PSD3: variants seen among roughly 807,000 people sequenced by gnomAD.
The protein encoded by PSD3 is pleckstrin and Sec7 domain containing 3, also known as PH and SEC7 domain-containing protein 3.
PSD3 carries 49 observed loss-of-function variants against 105.5 expected under a neutral mutation model. That is an observed-to-expected ratio of 0.46 (90% CI 0.37 to 0.59). PSD3 has a LOEUF of 0.59. Among genes scored for constraint, PSD3 ranks in the 20% least tolerant of loss-of-function variants. PSD3 has a pLI of 0.00. For missense variants in PSD3, 1,561 were observed against 1,263.8 expected (o/e 1.24, Z -3.57); for synonymous variants, 557 against 457.8 (o/e 1.22, Z -2.77).
intron 15 of PSD3, among the ~76,000 whole-genome samples, chr8:18,555,993 G>C (rs538743341): frequency 5.3e-5 from 8 of 152,252 alleles, no homozygotes; most frequent in African/African-American, 1.9e-4. Context: ...TTACTTTTAA[G>C]TGTATAAACT....
At chr8:19,014,975 G>A (rs1191561430), upstream of PSD3, among the ~76,000 whole-genome samples, 1 of 152,314 alleles carries the variant, frequency 6.6e-6, no homozygotes, top group African/African-American at 2.4e-5. This position sits in a 1 kb window ranked among gnomAD's most constrained non-coding sequence, Gnocchi z 4.9. Context: ...CCCTGCCAGA[G>A]CAGCAGTGTG....
At chr8:18,608,760 T>C (rs74567985) in intron 11 of PSD3, among the ~76,000 whole-genome samples, 2,219 of 152,300 alleles carry the variant, frequency 0.015, 65 homozygotes, top group East Asian at 0.1. Flanking sequence ...AATGGATTTA[T>C]GCCAGAAAAG....
chr8:19,084,131 A>G (rs1445515323), intron 1 of PSD3: 2 of 376,754 alleles, frequency 5.3e-6, no homozygotes, highest in South Asian at 2.0e-5. Flanking sequence ...AACGCCAGAA[A>G]TTGGAGGCCA....
intron 4 of PSD3, among the ~76,000 whole-genome samples, chr8:18,806,268 T>A (rs1811189110): frequency 6.6e-6 from 1 of 152,158 alleles, no homozygotes; most frequent in African/African-American, 2.4e-5. Context: ...CCATAAGATA[T>A]CAACGCAGTG....
chr8:19,045,112 G>A (rs1406259863), intron 1 of PSD3, among the ~76,000 whole-genome samples: 1 of 152,134 alleles, frequency 6.6e-6, no homozygotes. Flanking sequence ...TTGAACCCCG[G>A]AGGCAGAGGT....
At chr8:18,744,630 G>T (rs1804835261) in intron 9 of PSD3, among the ~76,000 whole-genome samples, 1 of 152,164 alleles carries the variant, frequency 6.6e-6, no homozygotes, top group Non-Finnish European at 1.5e-5. Context: ...CAAAAAGGTT[G>T]TACAAATGGT....
chr8:18,804,172 C>T (rs190362586), intron 6 of PSD3, among the ~76,000 whole-genome samples: 1 of 152,104 alleles, frequency 6.6e-6, no homozygotes, highest in Non-Finnish European at 1.5e-5. Context: ...ACAGGTTAAA[C>T]GTCCCAAACC....
intron 14 of PSD3, among the ~76,000 whole-genome samples, chr8:18,572,276 A>G (rs1310580563): frequency 6.6e-6 from 1 of 152,228 alleles, no homozygotes; most frequent in Admixed American, 6.5e-5. Flanking sequence ...ATTGCTCATA[A>G]TGAACTAATA....
intron 4 of PSD3, among the ~76,000 whole-genome samples, chr8:18,846,801 G>A (rs1406320174): frequency 1.3e-5 from 2 of 152,022 alleles, no homozygotes; most frequent in South Asian, 2.1e-4. Context: ...TCATGAAGAG[G>A]GAAATTACAG....
chr8:18,947,833 T>C (rs1258467594), intron 1 of PSD3, among the ~76,000 whole-genome samples: 1 of 152,180 alleles, frequency 6.6e-6, no homozygotes, highest in African/African-American at 2.4e-5. Flanking sequence ...TTATTTTTTT[T>C]GAAGTGTGAC....
intron 4 of PSD3, among the ~76,000 whole-genome samples, chr8:18,854,732 C>T (rs1345430032): frequency 2.0e-5 from 3 of 152,112 alleles, no homozygotes; most frequent in Non-Finnish European, 2.9e-5. Context: ...TAAATTCACA[C>T]TTGACTGAAA....
chr8:18,566,084 C>CT (rs1801728032), intron 14 of PSD3, among the ~76,000 whole-genome samples: 1 of 152,148 alleles, frequency 6.6e-6, no homozygotes, highest in African/African-American at 2.4e-5. Flanking sequence ...TGGAGGCACA[C>CT]TATGACCCCA....
At chr8:18,843,234 G>A (rs1341681660) in intron 4 of PSD3, among the ~76,000 whole-genome samples, 1 of 151,118 alleles carries the variant, frequency 6.6e-6, no homozygotes, top group Non-Finnish European at 1.5e-5. Flanking sequence ...GGTGGCAGGC[G>A]CCTGTAGTCC....
intron 1 of PSD3, chr8:18,999,907 G>A (rs186259273): frequency 9.9e-5 from 15 of 151,118 alleles, no homozygotes; most frequent in Admixed American, 5.3e-4. Context: ...CTAAAATTTC[G>A]GCTTTAATTC....
chr8:18,858,372 G>A (rs968464837), intron 4 of PSD3, among the ~76,000 whole-genome samples: 1 of 152,158 alleles, frequency 6.6e-6, no homozygotes, highest in Non-Finnish European at 1.5e-5. Flanking sequence ...CTGATGGAAG[G>A]ACTTGCCTCA....
At chr8:18,545,326 C>T (rs1433113233) in intron 15 of PSD3, among the ~76,000 whole-genome samples, 7 of 152,158 alleles carry the variant, frequency 4.6e-5, no homozygotes, top group African/African-American at 1.7e-4. Context: ...GAAGATCTGC[C>T]ACCCACAAGG....
intron 9 of PSD3, among the ~76,000 whole-genome samples, chr8:18,658,065 C>A (rs927641011): frequency 1.3e-5 from 2 of 152,168 alleles, no homozygotes; most frequent in Admixed American, 1.3e-4. Context: ...TGAAGATAAT[C>A]TATTATAAAT....
chr8:19,030,772 T>C (rs1827739300), intron 1 of PSD3, among the ~76,000 whole-genome samples: 1 of 152,148 alleles, frequency 6.6e-6, no homozygotes, highest in Non-Finnish European at 1.5e-5. Flanking sequence ...TTTCTAACCT[T>C]CTACCACTCC....
chr8:18,612,307 T>C (rs937375372), intron 11 of PSD3, among the ~76,000 whole-genome samples: 2 of 152,214 alleles, frequency 1.3e-5, no homozygotes, highest in African/African-American at 4.8e-5. Flanking sequence ...GGTTGACATT[T>C]CATTCATGTA....
Sources: gnomAD v4.1 joint callset for allele counts (sites outside exome capture counted in the v4.1 genomes callset) on GRCh38, gnomAD v4.1.1 for gene constraint, Gnocchi (gnomAD v3.1) non-coding constraint, MANE v1.5 for transcripts, NCBI Gene and HGNC (gene_info 2026-07-23, HGNC 2026-07-21) for gene names.